Variants in SNAP47 observed in about 807,000 individuals in gnomAD.
SNAP47 encodes synaptosomal-associated protein 47.
Under a neutral mutation model 31.4 loss-of-function variants are expected in SNAP47, and 20 were observed. The ratio of observed to expected loss-of-function variants is 0.64; its 90% CI spans 0.45 to 0.93. SNAP47 has a LOEUF of 0.93. SNAP47 is among the 40% of genes least tolerant of loss of function. The probability of loss-of-function intolerance (pLI) is 0.00; values close to 1 mark genes in which losing one functional copy is unlikely to be tolerated. For synonymous variants in SNAP47, 194 were observed against 213.4 expected (o/e 0.91, Z 0.79); for missense variants, 492 against 528.5 (o/e 0.93, Z 0.68).
chr1:227,765,231 T>A (rs1663316546), intron 3 of SNAP47, among the ~76,000 whole-genome samples: 1 of 152,132 alleles, frequency 6.6e-6, no homozygotes, highest in Admixed American at 6.6e-5. Flanking sequence ...TACGAGAGCC[T>A]TGGGCAGGGC....
upstream of SNAP47, chr1:227,730,970 T>C (rs997718409): frequency 6.6e-6 from 1 of 152,272 alleles, no homozygotes; most frequent in Non-Finnish European, 1.5e-5. Context: ...GCTAAATGGG[T>C]GAGCCACGCC....
At chr1:227,755,636 G>A (rs1344141874) in intron 2 of SNAP47, among the ~76,000 whole-genome samples, 4 of 152,056 alleles carry the variant, frequency 2.6e-5, no homozygotes, top group African/African-American at 7.2e-5. Flanking sequence ...AATCCACCTC[G>A]GCCTCCTGAA....
rs906693355 is a variant in SNAP47, at chr1:227,762,311, C to T, written c.988+2826C>T. 2.6e-4 allele frequency among the ~76,000 whole-genome samples: 39 copies of T among 152,342 alleles called. No individual in the cohort carries two copies. The highest frequency in any genetic ancestry group is 8.2e-4 in the African/African-American group (34 of 41,574). ...CCTCCAGAGGGTGTTCTTGAAGAGG[C>T]TCCATGCAGGGGTTGGAGCGTGTGG... is the stretch of plus-strand genomic sequence containing the variant. On this transcript the variant is annotated intron_variant, in intron 3 of 4. Transcript: ENST00000617596. This position sits in a 1 kb window ranked among gnomAD's most constrained non-coding sequence, Gnocchi z 4.2.
At chr1:227,776,266 A>G (rs1027438543) in intron 4 of SNAP47, 1 of 1,032,620 alleles carries the variant, frequency 9.7e-7, no homozygotes, top group African/African-American at 1.7e-5. Context: ...GGCATGCCCC[A>G]GGGCCAGCCT....
At chr1:227,770,115 G>T (rs1663699011) in intron 4 of SNAP47, among the ~76,000 whole-genome samples, 3 of 152,236 alleles carry the variant, frequency 2.0e-5, no homozygotes, top group South Asian at 2.1e-4. Context: ...GGTCCCAGGG[G>T]TTGCTTGGGT....
rs540732076 is a variant in SNAP47, at chr1:227,751,744, GTTTTTTTTTTTTTTTTTTTTTT to G, written c.497+3527_497+3548del. ...ATGGGGCCAATTACATAAAGACTTG[GTTTTTTTTTTTTTTTTTTTTTT>G]TTTTTTTTTTTTTTTGAGACGGAGT... On this transcript the variant is annotated intron_variant, in intron 2 of 4. Transcript: ENST00000617596. Among the ~76,000 whole-genome samples, 520 of 69,208 alleles carry G rather than the reference GTTTTTTTTTTTTTTTTTTTTTT, an allele frequency of 7.5e-3. 16 individuals are homozygous for G. Among genetic ancestry groups the G allele is most frequent in the African/African-American group, 0.028 (496 of 18,014 alleles). 45.4% of individuals were successfully genotyped at this position (69,208 alleles called of 152,430 possible). A position where few individuals can be genotyped will look rare whatever the true frequency, so the allele number is the denominator to read the frequency against.
At chr1:227,752,959 G>A (rs938887512) in intron 2 of SNAP47, among the ~76,000 whole-genome samples, 27 of 152,218 alleles carry the variant, frequency 1.8e-4, no homozygotes, top group African/African-American at 6.5e-4. Context: ...GAGCTGTTGA[G>A]TCCCAGAGTG....
At position 227,748,177 on chromosome 1, in the gene SNAP47, G is replaced by A; in HGVS notation, c.441G>A (p.Leu147=). The stretch of plus-strand genomic sequence containing the variant: ...TCCTGCACCACCAGGGCCAGCAGCT[G>A]GACAGCGTCATGAGAGGCCTGGACA... ...ARVLHHQGQQ[L]DSVMRGLDKM... is the part of the protein sequence containing the mutation. Residue 147 remains leucine, a synonymous_variant, in exon 2 of 5, where the codon CTG becomes CTA. Coordinates refer to ENST00000617596, the MANE Select transcript of SNAP47 (RefSeq NM_053052.4). 6.2e-7 allele frequency: 1 copy of A among 1,611,488 alleles called. No individual in the cohort carries two copies. The highest frequency in any genetic ancestry group is 8.5e-7 in the Non-Finnish European group (1 of 1,178,966).
At chr1:227,755,967 C>T (rs1279551706) in intron 2 of SNAP47, among the ~76,000 whole-genome samples, 1 of 152,212 alleles carries the variant, frequency 6.6e-6, no homozygotes, top group African/African-American at 2.4e-5. Context: ...TTGAATCTAC[C>T]TGTAACATGT....
chr1:227,732,062 C>T (rs1285167885), upstream of SNAP47: 1 of 420,922 alleles, frequency 2.4e-6, no homozygotes, highest in African/African-American at 2.0e-5. Context: ...AGAGGAGCCA[C>T]CAGAGAAGGC....
chr1:227,776,924 CT>C, intron 4 of SNAP47: 3 of 985,378 alleles, frequency 3.0e-6, no homozygotes, highest in Non-Finnish European at 3.6e-6. Flanking sequence ...AGGAGCCAGC[CT>C]TTATTTTGTC....
chr1:227,776,490 T>C (rs1398207928), intron 4 of SNAP47: 1 of 985,504 alleles, frequency 1.0e-6, no homozygotes, highest in Non-Finnish European at 1.2e-6. Flanking sequence ...CCCATGAAGG[T>C]TCCTGTGTGA....
At chr1:227,757,411 G>A (rs932796817) in intron 2 of SNAP47, among the ~76,000 whole-genome samples, 1 of 152,214 alleles carries the variant, frequency 6.6e-6, no homozygotes, top group Non-Finnish European at 1.5e-5. Flanking sequence ...GTCACTTAGA[G>A]ATAAGTCAGG....
chr1:227,734,587 A>G, upstream of SNAP47: 2 of 1,531,582 alleles, frequency 1.3e-6, no homozygotes, highest in South Asian at 2.3e-5. Flanking sequence ...CTTCATCAGA[A>G]AGGCCTCTGG....
upstream of SNAP47, chr1:227,734,971 G>A (rs780830664): frequency 1.0e-5 from 15 of 1,503,920 alleles, no homozygotes; most frequent in East Asian, 2.4e-5. Context: ...GGGTCCCGCC[G>A]GCCTTTCCTC....
chr1:227,743,675 G>C (rs143186604), intron 1 of SNAP47, among the ~76,000 whole-genome samples: 1 of 152,166 alleles, frequency 6.6e-6, no homozygotes, highest in Non-Finnish European at 1.5e-5. Flanking sequence ...GTCACTATCT[G>C]TCTGCTCCCC....
chr1:227,776,299 C>G, intron 4 of SNAP47: 1 of 992,598 alleles, frequency 1.0e-6, no homozygotes. Flanking sequence ...CCTTCAAGCA[C>G]TCCTTGCTCT....
Position 227,767,721 on chromosome 1 carries a change from A to G in SNAP47, c.1113+638A>G, listed in dbSNP as rs187845550. ...TGGAGCGTGCATGTACTGTACATGT[A>G]TGTGTACTCTGTGTGTGCTGTGCAT... On this transcript the variant is annotated intron_variant, in intron 4 of 4. Coordinates refer to ENST00000617596, the MANE Select transcript of SNAP47 (RefSeq NM_053052.4). 7.9e-4 allele frequency among the ~76,000 whole-genome samples: 120 copies of G among 151,864 alleles called. No homozygotes were observed. In the Middle Eastern group the frequency reaches 0.02, roughly 26 times the overall value.
chr1:227,735,299 C>T, upstream of SNAP47: 1 of 1,604,456 alleles, frequency 6.2e-7, no homozygotes, highest in Non-Finnish European at 8.5e-7. Flanking sequence ...TCGAAGGACC[C>T]TCCTCCTCAC....
Sources: gnomAD v4.1 joint callset for allele counts (sites outside exome capture counted in the v4.1 genomes callset) on GRCh38, gnomAD v4.1.1 for gene constraint, Gnocchi (gnomAD v3.1) non-coding constraint, MANE v1.5 for transcripts, NCBI Gene and HGNC (gene_info 2026-07-23, HGNC 2026-07-21) for gene names.